RIT2: variants seen among roughly 807,000 people sequenced by gnomAD.
RIT2 encodes Ras like without CAAX 2, also known as GTP-binding protein Rit2.
A neutral mutation model predicts 23.7 loss-of-function variants in RIT2; 24 were observed. The ratio of observed to expected loss-of-function variants is 1.01; its 90% confidence interval spans 0.73 to 1.43. RIT2 has a LOEUF of 1.43. RIT2 is among the 40% of genes most tolerant of loss of function. RIT2 has a pLI of 0.00. For synonymous variants in RIT2, 107 were observed against 91.1 expected, an observed-to-expected ratio of 1.17 and a Z score of -0.99; for missense variants, 236 against 266.9, an observed-to-expected ratio of 0.88 and a Z score of 0.81.
chr18:42,793,607 A>AAAACAAAC (rs532669736), intron 4 of RIT2, among the ~76,000 whole-genome samples: 5 of 152,162 alleles, frequency 3.3e-5, no homozygotes, highest in African/African-American at 1.2e-4. Context: ...GTACAGTTAG[A>AAAACAAAC]AAACAAACAA....
intron 1 of RIT2, among the ~76,000 whole-genome samples, chr18:43,090,614 T>C (rs2144359814): frequency 6.6e-6 from 1 of 151,988 alleles, no homozygotes; most frequent in South Asian, 2.1e-4. Flanking sequence ...AACATATCAA[T>C]CTAAATGTCC....
chr18:42,956,051 T>C (rs1159294315), intron 3 of RIT2, among the ~76,000 whole-genome samples: 1 of 152,190 alleles, frequency 6.6e-6, no homozygotes, highest in African/African-American at 2.4e-5. Context: ...GATTCAAGTA[T>C]GCAGCTAAGA....
At chr18:42,748,818 G>A (rs980817985) in intron 4 of RIT2, among the ~76,000 whole-genome samples, 4 of 151,804 alleles carry the variant, frequency 2.6e-5, no homozygotes, top group Admixed American at 6.6e-5. Context: ...TACACTACTC[G>A]GGTGATGAAT....
chr18:43,019,439 A>G (rs1387764939), intron 2 of RIT2, among the ~76,000 whole-genome samples: 2 of 152,076 alleles, frequency 1.3e-5, no homozygotes, highest in African/African-American at 4.8e-5. Flanking sequence ...GAAAAATTAT[A>G]TGATTATCTC....
intron 4 of RIT2, among the ~76,000 whole-genome samples, chr18:42,891,272 A>G (rs1908167211): frequency 6.6e-6 from 1 of 152,190 alleles, no homozygotes; most frequent in Non-Finnish European, 1.5e-5. Flanking sequence ...TTGAAGGTAC[A>G]TCAAACCATC....
intron 1 of RIT2, among the ~76,000 whole-genome samples, chr18:43,094,202 G>A (rs1262686561): frequency 1.4e-5 from 2 of 142,512 alleles, no homozygotes; most frequent in East Asian, 2.1e-4. Context: ...AGAAGATCAA[G>A]GGAAACCAAA....
chr18:42,761,071 A>G lies in RIT2; in HGVS notation c.427-17351T>C, dbSNP rs569377285. Among the ~76,000 whole-genome samples the G allele has an allele frequency of 2.6e-5, 4 of 152,368 alleles. No individual in the cohort carries two copies. In the South Asian group the frequency reaches 6.2e-4, roughly 24 times the overall value. On this transcript the variant is annotated intron_variant, in intron 4 of 4. Coordinates refer to ENST00000326695, the MANE Select transcript of RIT2 (RefSeq NM_002930.4). ...AAGCAATCACAGTTATGTTTAATCA[A>G]TGCAGGCTAGAGTCACTTTTCTCTT...
At chr18:43,100,314 T>C (rs1246080338) in intron 1 of RIT2, among the ~76,000 whole-genome samples, 1 of 152,068 alleles carries the variant, frequency 6.6e-6, no homozygotes, top group Non-Finnish European at 1.5e-5. Flanking sequence ...AAAAGGGAAG[T>C]GTGCCTGTCT....
intron 4 of RIT2, among the ~76,000 whole-genome samples, chr18:42,827,768 G>C (rs994178795): frequency 6.6e-6 from 1 of 152,014 alleles, no homozygotes; most frequent in African/African-American, 2.4e-5. Flanking sequence ...CACTTTGGGA[G>C]GCCGAGGCGG....
At chr18:43,105,215 T>A (rs1913784218) in intron 1 of RIT2, among the ~76,000 whole-genome samples, 1 of 151,890 alleles carries the variant, frequency 6.6e-6, no homozygotes, top group Admixed American at 6.6e-5. Flanking sequence ...ACTAGTAAAC[T>A]ACTTTTATTA....
chr18:42,998,011 C>T (rs1323185415), intron 2 of RIT2, among the ~76,000 whole-genome samples: 1 of 152,136 alleles, frequency 6.6e-6, no homozygotes, highest in East Asian at 1.9e-4. Context: ...AACAATGTAG[C>T]TTGCAACAAG....
intron 4 of RIT2, among the ~76,000 whole-genome samples, chr18:42,848,620 C>T (rs533937078): frequency 2.2e-4 from 33 of 152,214 alleles, no homozygotes; most frequent in South Asian, 1.7e-3. Context: ...GGATACCATA[C>T]GTACTATGAA....
At chr18:42,822,114 A>C (rs1038020196) in intron 4 of RIT2, among the ~76,000 whole-genome samples, 1 of 152,172 alleles carries the variant, frequency 6.6e-6, no homozygotes, top group African/African-American at 2.4e-5. Flanking sequence ...CAGTATGTGC[A>C]GAGCTTGGAG....
chr18:42,763,388 G>A (rs1468192094), intron 4 of RIT2, among the ~76,000 whole-genome samples: 1 of 151,954 alleles, frequency 6.6e-6, no homozygotes, highest in Non-Finnish European at 1.5e-5. Context: ...CTTGAACCTG[G>A]GAGATGGAGC....
chr18:43,103,068 G>A (rs965876457), intron 1 of RIT2, among the ~76,000 whole-genome samples: 2 of 152,074 alleles, frequency 1.3e-5, no homozygotes, highest in Non-Finnish European at 2.9e-5. Context: ...TGGGCTTATT[G>A]GCCTTCAAAT....
chr18:42,910,778 T>C (rs566053627), intron 4 of RIT2, among the ~76,000 whole-genome samples: 3 of 152,222 alleles, frequency 2.0e-5, no homozygotes, highest in African/African-American at 7.2e-5. Context: ...CAATCCTAAA[T>C]GTGTTTGGAC....
chr18:43,011,639 G>A (rs1410241587), intron 2 of RIT2, among the ~76,000 whole-genome samples: 1 of 151,666 alleles, frequency 6.6e-6, no homozygotes, highest in African/African-American at 2.4e-5. Context: ...AGGCCTAATT[G>A]AAGAACTCTA....
At chr18:42,769,878 T>TAAA (rs1555636388) in intron 4 of RIT2, among the ~76,000 whole-genome samples, 3 of 141,330 alleles carry the variant, frequency 2.1e-5, no homozygotes, top group East Asian at 2.1e-4. Context: ...ATAATAATAA[T>TAAA]AAAGATATAC....
chr18:43,023,406 T>A (rs1166037976), intron 2 of RIT2, among the ~76,000 whole-genome samples: 1 of 152,106 alleles, frequency 6.6e-6, no homozygotes, highest in Non-Finnish European at 1.5e-5. Context: ...GCACAAAGTC[T>A]AGATGTCCTT....
Sources: gnomAD v4.1 joint callset for allele counts (sites outside exome capture counted in the v4.1 genomes callset) on GRCh38, gnomAD v4.1.1 for gene constraint, MANE v1.5 for transcripts, NCBI Gene and HGNC (gene_info 2026-07-23, HGNC 2026-07-21) for gene names.